OMA1: variants seen among roughly 807,000 people sequenced by gnomAD.
The protein encoded by OMA1 is OMA1 zinc metallopeptidase, also known as metalloendopeptidase OMA1, mitochondrial.
A neutral mutation model predicts 30.9 loss-of-function variants in OMA1; 38 were observed. The ratio of observed to expected loss-of-function variants is 1.23; its 90% CI spans 0.95 to 1.61. The LOEUF (loss-of-function observed/expected upper bound fraction) is 1.61, where lower values mean the gene tolerates loss of function less well. OMA1 is among the 40% of genes most tolerant of loss of function. The pLI, the probability that OMA1 is intolerant of heterozygous loss-of-function variation, is 0.00. For synonymous variants in OMA1, 173 were observed against 121.9 expected, an observed-to-expected ratio of 1.42 and a Z score of -2.76; for missense variants, 461 against 349.2, an observed-to-expected ratio of 1.32 and a Z score of -2.55.
intron 8 of OMA1, among the ~76,000 whole-genome samples, chr1:58,495,145 C>T (rs1390571968): frequency 3.3e-5 from 5 of 152,272 alleles, no homozygotes; most frequent in African/African-American, 9.6e-5. Context: ...TGGAAACCAT[C>T]ATTCTCAGCA....
intron 1 of OMA1, among the ~76,000 whole-genome samples, chr1:58,542,898 G>C (rs1646643329): frequency 6.6e-6 from 1 of 152,078 alleles, no homozygotes; most frequent in Non-Finnish European, 1.5e-5. Flanking sequence ...TTCCGCACAG[G>C]AATATAAGGG....
At chr1:58,506,325 T>C (rs1294066902) in intron 7 of OMA1, 116 bp from the exon 8 acceptor site, 2 of 609,802 alleles carry the variant, frequency 3.3e-6, no homozygotes, top group Admixed American at 2.9e-5. Context: ...TTAGGGTACA[T>C]GTGCACAACG....
At chr1:58,536,872 G>A (rs893279345) in intron 2 of OMA1, 131 bp from the exon 3 acceptor site, 10 of 585,718 alleles carry the variant, frequency 1.7e-5, no homozygotes, top group South Asian at 9.1e-5. Flanking sequence ...TGAATACATC[G>A]CTTTTCCAAT....
chr1:58,495,654 ACT>A (rs1348172183), intron 8 of OMA1, among the ~76,000 whole-genome samples: 1 of 151,960 alleles, frequency 6.6e-6, no homozygotes, highest in Non-Finnish European at 1.5e-5. Context: ...CAAGAACTTC[ACT>A]GACATATTGT....
chr1:58,482,799 GT>G (rs1447708514), intron 8 of OMA1, among the ~76,000 whole-genome samples: 3 of 152,266 alleles, frequency 2.0e-5, no homozygotes, highest in African/African-American at 7.2e-5. Flanking sequence ...TGCCTGGGGT[GT>G]TTTGGAACAG....
At chr1:58,485,174 T>C (rs1290994353) in intron 8 of OMA1, among the ~76,000 whole-genome samples, 2 of 141,534 alleles carry the variant, frequency 1.4e-5, no homozygotes, top group Admixed American at 1.5e-4. Context: ...CTCTATACCT[T>C]CTACTCAATT....
intron 8 of OMA1, among the ~76,000 whole-genome samples, chr1:58,490,794 T>TC (rs1645668996): frequency 8.5e-6 from 1 of 117,226 alleles, no homozygotes; most frequent in Non-Finnish European, 1.7e-5. Flanking sequence ...TAGTCAACAT[T>TC]CTTTTTTTTT....
At chr1:58,504,735 T>C (rs1467809457) in intron 8 of OMA1, among the ~76,000 whole-genome samples, 1 of 152,208 alleles carries the variant, frequency 6.6e-6, no homozygotes, top group East Asian at 1.9e-4. Flanking sequence ...TATCCCAAAC[T>C]AGAAGCAGAT....
intron 7 of OMA1, among the ~76,000 whole-genome samples, chr1:58,512,898 GTACT>G (rs1372979508): frequency 6.6e-6 from 1 of 150,810 alleles, no homozygotes; most frequent in Non-Finnish European, 1.5e-5. Context: ...CATGTTAAAT[GTACT>G]TACTAAAAAA....
intron 7 of OMA1, among the ~76,000 whole-genome samples, chr1:58,526,228 C>T (rs1304073822): frequency 3.3e-5 from 5 of 151,968 alleles, no homozygotes; most frequent in African/African-American, 1.2e-4. Flanking sequence ...TCTTAGTGCA[C>T]GCAGTCTGAT....
intron 7 of OMA1, among the ~76,000 whole-genome samples, chr1:58,515,145 AT>A (rs1646140083): frequency 6.6e-6 from 1 of 152,176 alleles, no homozygotes; most frequent in Non-Finnish European, 1.5e-5. Flanking sequence ...AGCTCATTTT[AT>A]TTTGTAACCC....
intron 8 of OMA1, among the ~76,000 whole-genome samples, chr1:58,491,726 A>G (rs1160740892): frequency 6.6e-6 from 1 of 152,232 alleles, no homozygotes; most frequent in South Asian, 2.1e-4. Flanking sequence ...TATCCTAAAT[A>G]TATATGCACC....
chr1:58,492,943 GC>G (rs1645724845), intron 8 of OMA1, among the ~76,000 whole-genome samples: 4 of 152,070 alleles, frequency 2.6e-5, no homozygotes, highest in Non-Finnish European at 5.9e-5. Flanking sequence ...TGATACCAAA[GC>G]CTGGCAGAGA....
At chr1:58,495,618 G>T (rs1645786681) in intron 8 of OMA1, among the ~76,000 whole-genome samples, 1 of 151,770 alleles carries the variant, frequency 6.6e-6, no homozygotes, top group Admixed American at 6.6e-5. Context: ...ATTGTCAGTA[G>T]ATTCTGGAAA....
intron 7 of OMA1, among the ~76,000 whole-genome samples, chr1:58,517,659 T>C (rs1163396185): frequency 6.6e-6 from 1 of 152,176 alleles, no homozygotes; most frequent in African/African-American, 2.4e-5. Context: ...TGAATTCTAA[T>C]GTCATGAAGA....
Position 58,527,297 on chromosome 1 carries a change from G to A in OMA1, c.1179C>T (p.Ala393=), listed in dbSNP as rs748310578. 4.4e-5 allele frequency: 38 copies of A among 871,878 alleles called. 1 individual carries two copies. Among genetic ancestry groups the A allele is most frequent in the Middle Eastern group, 2.2e-4 (1 of 4,630 alleles). The allele number at this position is 871,878 out of a possible 1,614,324, so 54.0% of individuals were successfully genotyped here. A position where few individuals can be genotyped will look rare whatever the true frequency, so the allele number is the denominator to read the frequency against. ...FNRPYSRKLE[A]EADKIGLLLA... ...GCAGTAGTCCAATTTTGTCAGCTTC[G>A]GCCTCCAATTTTCTGCTGTATGGTC... is the stretch of plus-strand genomic sequence containing the variant. The change falls in exon 7 of 9, where the codon GCC becomes GCT. Residue 393 remains alanine, a synonymous_variant. Transcript: ENST00000371226.
At chr1:58,486,948 G>A (rs560391921) in intron 8 of OMA1, among the ~76,000 whole-genome samples, 96 of 152,320 alleles carry the variant, frequency 6.3e-4, no homozygotes, top group African/African-American at 2.1e-3. Context: ...GCCAAATTAC[G>A]TGCCTGGAAG....
At chr1:58,493,696 A>G (rs1645742214) in intron 8 of OMA1, among the ~76,000 whole-genome samples, 1 of 151,814 alleles carries the variant, frequency 6.6e-6, no homozygotes, top group Non-Finnish European at 1.5e-5. Context: ...AATAGCTAGG[A>G]ATCCAACTTA....
chr1:58,506,285 T>C, intron 7 of OMA1, 76 bp from the exon 8 acceptor site: 1 of 709,114 alleles, frequency 1.4e-6, no homozygotes, highest in Non-Finnish European at 2.4e-6. Context: ...TTTATTTTTT[T>C]TTAATTCTAT....
Sources: allele counts gnomAD v4.1 joint callset (sites outside exome capture counted in the v4.1 genomes callset), GRCh38; gene constraint gnomAD v4.1.1; transcripts MANE v1.5; gene names NCBI Gene and HGNC (gene_info 2026-07-23, HGNC 2026-07-21).